RUNX1T1: variants seen among roughly 807,000 people sequenced by gnomAD.
RUNX1T1 encodes the protein protein CBFA2T1.
RUNX1T1 carries 4 observed loss-of-function variants against 62.8 expected under a neutral mutation model. The observed-to-expected ratio is 0.06, with a 90% CI of 0.03 to 0.15. The LOEUF (loss-of-function observed/expected upper bound fraction) is 0.15, where lower values mean the gene tolerates loss of function less well. RUNX1T1 is among the 10% of genes least tolerant of loss of function. The pLI is 1.00. For synonymous variants in RUNX1T1, 291 were observed against 286.0 expected (o/e 1.02, Z -0.18); for missense variants, 508 against 754.3 (o/e 0.67, Z 3.82).
chr8:91,961,072 C>G (rs191175559), intron 10 of RUNX1T1, among the ~76,000 whole-genome samples: 1 of 152,304 alleles, frequency 6.6e-6, no homozygotes, highest in East Asian at 1.9e-4. Context: ...CTCTCTATGT[C>G]TTTAGTTCTT....
chr8:92,020,426 T>C (rs558194343), intron 1 of RUNX1T1, among the ~76,000 whole-genome samples: 1 of 152,296 alleles, frequency 6.6e-6, no homozygotes, highest in African/African-American at 2.4e-5. Flanking sequence ...ATTTCTTATA[T>C]AATTTTTTAA....
chr8:92,032,171 T>C (rs1428701279), intron 1 of RUNX1T1, among the ~76,000 whole-genome samples: 3 of 146,110 alleles, frequency 2.1e-5, no homozygotes, highest in Non-Finnish European at 4.5e-5. Flanking sequence ...CATGAATAGA[T>C]GGCCAACACA....
At chr8:92,102,199 G>A (rs1234199442), upstream of RUNX1T1, among the ~76,000 whole-genome samples, 1 of 152,100 alleles carries the variant, frequency 6.6e-6, no homozygotes, top group Non-Finnish European at 1.5e-5. The surrounding 1 kb of genome is among the most constrained non-coding windows in gnomAD (Gnocchi z 4.5). Context: ...GGCGGGAGCC[G>A]CCGTCCGCCC....
Position 91,959,453 on chromosome 8 carries a change from T to A in RUNX1T1, c.*789A>T, listed in dbSNP as rs59191549. ...GTGTGTGTGTGTGTGTGTGTGTGTG[T>A]GTGTGTGTGTGTGTATATGTGCGTG... On this transcript the variant is annotated 3_prime_UTR_variant, in exon 11 of 11. Transcript: ENST00000396218. 14 of 138,698 alleles carry A rather than the reference T, an allele frequency of 1.0e-4. 2 individuals are homozygous for A. Among genetic ancestry groups the A allele is most frequent in the East Asian group, 2.2e-4 (2 of 9,114 alleles). 8.6% of individuals were successfully genotyped at this position (138,698 alleles called of 1,614,324 possible).
At chr8:91,982,106 G>C (rs1047498999) in intron 8 of RUNX1T1, among the ~76,000 whole-genome samples, 1 of 151,718 alleles carries the variant, frequency 6.6e-6, no homozygotes, top group East Asian at 2.0e-4. Flanking sequence ...AATTAGCTGG[G>C]TGTGGTGGTG....
At chr8:92,013,084 C>G (rs1822296424) in intron 3 of RUNX1T1, among the ~76,000 whole-genome samples, 1 of 151,812 alleles carries the variant, frequency 6.6e-6, no homozygotes, top group East Asian at 1.9e-4. Flanking sequence ...AAAAATTTTG[C>G]TAAGAACAAC....
intron 5 of RUNX1T1, chr8:92,004,572 C>T (rs1439167696): frequency 6.6e-6 from 1 of 151,990 alleles, no homozygotes; most frequent in African/African-American, 2.4e-5. Context: ...AGCAAAAATA[C>T]CATCTATTGT....
At chr8:91,965,711 C>T (rs1350970101) in intron 10 of RUNX1T1, among the ~76,000 whole-genome samples, 3 of 152,062 alleles carry the variant, frequency 2.0e-5, no homozygotes, top group Non-Finnish European at 2.9e-5. Context: ...TTGCAAACCC[C>T]TCTTTCTTTA....
intron 5 of RUNX1T1, among the ~76,000 whole-genome samples, chr8:92,001,630 G>A (rs1372892626): frequency 6.6e-6 from 1 of 152,146 alleles, no homozygotes; most frequent in Non-Finnish European, 1.5e-5. Context: ...ATTTGAGATA[G>A]TAGGGGGTAC....
At chr8:91,970,582 T>A (rs1053379502) in intron 10 of RUNX1T1, 76 bp downstream of exon 11, 1 of 1,288,164 alleles carries the variant, frequency 7.8e-7, no homozygotes, top group South Asian at 1.7e-5. Flanking sequence ...TCTAAAGTGA[T>A]CACCTTGAAT....
At chr8:91,981,215 A>G (rs953167455) in intron 8 of RUNX1T1, among the ~76,000 whole-genome samples, 1 of 152,054 alleles carries the variant, frequency 6.6e-6, no homozygotes, top group Non-Finnish European at 1.5e-5. Flanking sequence ...AATTCTACTG[A>G]CTGAGTTTGT....
At chr8:92,060,545 A>ATGTGTGTGTG (rs1317671685) in intron 1 of RUNX1T1, among the ~76,000 whole-genome samples, 3 of 103,744 alleles carry the variant, frequency 2.9e-5, no homozygotes, top group Non-Finnish European at 6.5e-5. Context: ...ATATATATAT[A>ATGTGTGTGTG]TATATATATG....
Position 91,964,464 on chromosome 8 carries a change from A to C in RUNX1T1, c.1459-3947T>G, listed in dbSNP as rs146429147. On this transcript the variant is annotated intron_variant, in intron 10 of 10. Coordinates refer to ENST00000396218, the Ensembl canonical transcript of RUNX1T1. The stretch of plus-strand genomic sequence containing the variant: ...ACTCCTCAAATGTTAAGAATCCTAC[A>C]GAAGGCAACACATTGACTTAAATTC... Among the ~76,000 whole-genome samples, 1,207 of 152,326 alleles carry C rather than the reference A, an allele frequency of 7.9e-3. 5 individuals are homozygous for C. Among genetic ancestry groups the C allele is most frequent in the Non-Finnish European group, 0.01 (707 of 68,022 alleles).
At chr8:92,099,749 G>T, upstream of RUNX1T1, 1 of 539,194 alleles carries the variant, frequency 1.9e-6, no homozygotes, top group Non-Finnish European at 2.4e-6. Context: ...TATCAAAGAA[G>T]TGAGAAACAG....
chr8:92,077,178 G>A (rs1489855333), intron 1 of RUNX1T1, among the ~76,000 whole-genome samples: 2 of 152,046 alleles, frequency 1.3e-5, no homozygotes, highest in African/African-American at 2.4e-5. Flanking sequence ...GATGCAATCA[G>A]TTGTTTCTTG....
chr8:92,091,076 C>T (rs1836923678), intron 1 of RUNX1T1, among the ~76,000 whole-genome samples: 1 of 152,134 alleles, frequency 6.6e-6, no homozygotes, highest in African/African-American at 2.4e-5. Context: ...GATTAATGAA[C>T]CCAGTCAATC....
At chr8:91,986,818 T>C (rs866330216) in intron 7 of RUNX1T1, 69 bp downstream of exon 8, 2 of 1,020,558 alleles carry the variant, frequency 2.0e-6, no homozygotes, top group South Asian at 1.3e-5. Flanking sequence ...AGCTTTTATT[T>C]TATCACATAA....
At chr8:92,100,901 T>C (rs1838005657), upstream of RUNX1T1, among the ~76,000 whole-genome samples, 1 of 152,206 alleles carries the variant, frequency 6.6e-6, no homozygotes, top group Non-Finnish European at 1.5e-5. Flanking sequence ...TGGTGACCTT[T>C]TCTAAAGAAT....
intron 1 of RUNX1T1, chr8:92,095,279 G>A: frequency 2.0e-6 from 3 of 1,515,230 alleles, no homozygotes; most frequent in Non-Finnish European, 8.8e-7. Flanking sequence ...GCCTCCCCAC[G>A]CCCCCCTTCC....
Sources: gnomAD v4.1 joint callset for allele counts (sites outside exome capture counted in the v4.1 genomes callset) on GRCh38, gnomAD v4.1.1 for gene constraint, Gnocchi (gnomAD v3.1) non-coding constraint, MANE v1.5 for transcripts, NCBI Gene and HGNC (gene_info 2026-07-23, HGNC 2026-07-21) for gene names.